ACVR1: variants seen among roughly 807,000 people sequenced by gnomAD.
ACVR1 encodes the protein activin receptor type-1.
Under a neutral mutation model 57.1 loss-of-function variants are expected in ACVR1, and 38 were observed. The ratio of observed to expected loss-of-function variants is 0.67; its 90% CI spans 0.51 to 0.87. The LOEUF is 0.87. Among genes scored for constraint, ACVR1 ranks in the 40% least tolerant of loss-of-function variants. The probability of loss-of-function intolerance (pLI) is 0.00; values close to 1 mark genes in which losing one functional copy is unlikely to be tolerated. For missense variants in ACVR1, 463 were observed against 638.2 expected (o/e 0.73, Z 2.96); for synonymous variants, 212 against 228.1 (o/e 0.93, Z 0.63).
chr2:157,870,861 G>A (rs1690094712), intron 1 of ACVR1, among the ~76,000 whole-genome samples: 1 of 152,200 alleles, frequency 6.6e-6, no homozygotes, highest in Non-Finnish European at 1.5e-5. Flanking sequence ...TACATAGAAT[G>A]TCTTTCGTCC....
intron 3 of ACVR1, among the ~76,000 whole-genome samples, chr2:157,795,055 C>G (rs890067545): frequency 1.3e-5 from 2 of 151,794 alleles, no homozygotes; most frequent in Non-Finnish European, 2.9e-5. Flanking sequence ...CTCTATGACT[C>G]TCTTATTTAT....
At chr2:157,836,876 AAC>A (rs1559085998) in intron 1 of ACVR1, among the ~76,000 whole-genome samples, 3 of 152,212 alleles carry the variant, frequency 2.0e-5, no homozygotes, top group African/African-American at 7.2e-5. Flanking sequence ...CTAGATAAAG[AAC>A]ACTCCATCTC....
chr2:157,857,106 G>A (rs976266741), intron 1 of ACVR1, among the ~76,000 whole-genome samples: 1 of 152,142 alleles, frequency 6.6e-6, no homozygotes, highest in Non-Finnish European at 1.5e-5. Flanking sequence ...GCTGAAGTGG[G>A]AGGATCACCT....
Position 157,774,174 on chromosome 2 carries a change from T to C in ACVR1, c.557A>G (p.His186Arg), listed in dbSNP as rs766710069. 6.2e-7 allele frequency: 1 copy of C among 1,613,980 alleles called. No individual in the cohort carries two copies. The highest frequency in any genetic ancestry group is 1.1e-5 in the South Asian group (1 of 91,080). Residue 186 changes from histidine (H) to arginine (R), a missense_variant, in exon 6 of 11, where the codon CAT becomes CGT. By Grantham distance (29) the His-to-Arg change is conservative. Transcript: ENST00000434821. ...AGAGCCACTTCCTGATGTACACGAA[T>C]GATCCAATAAATCCTGTGGTTTAAG... ...GDSTLADLLD[H>R]SCTSGSGSGL...
intron 1 of ACVR1, among the ~76,000 whole-genome samples, chr2:157,832,533 G>T (rs1688619744): frequency 6.6e-6 from 1 of 152,098 alleles, no homozygotes; most frequent in Non-Finnish European, 1.5e-5. Context: ...TTATCAAGAT[G>T]ACCTTGTCTA....
chr2:157,760,603 A>G (rs951834468), intron 9 of ACVR1, among the ~76,000 whole-genome samples: 1 of 152,216 alleles, frequency 6.6e-6, no homozygotes, highest in African/African-American at 2.4e-5. Context: ...TAAAAATTTA[A>G]AAGAAAAGAA....
chr2:157,861,831 C>T (rs1288439004), intron 1 of ACVR1, among the ~76,000 whole-genome samples: 2 of 152,196 alleles, frequency 1.3e-5, no homozygotes, highest in South Asian at 2.1e-4. Flanking sequence ...AATATACTTT[C>T]ACCACCCTTT....
intron 1 of ACVR1, among the ~76,000 whole-genome samples, chr2:157,848,638 T>C (rs1011888858): frequency 6.6e-6 from 1 of 152,222 alleles, no homozygotes; most frequent in Non-Finnish European, 1.5e-5. Context: ...TAATTTATTA[T>C]GCAGAAAGAG....
At position 157,865,255 on chromosome 2, in the gene ACVR1, T is replaced by C. The variant is rs1689874696; in HGVS notation, c.-183+10541A>G. On this transcript the variant is annotated intron_variant, in intron 1 of 10. Coordinates refer to ENST00000434821, the MANE Select transcript of ACVR1 (RefSeq NM_001111067.4). ...AGGAAAGCACCACAAAGACAAAGGT[T>C]AAGAAAATGACTTTCTTAGGCCACA... Among the ~76,000 whole-genome samples, 7 of 152,190 alleles carry C rather than the reference T, an allele frequency of 4.6e-5. No individual in the cohort carries two copies. The South Asian group carries it at 1.5e-3, about 32-fold the overall frequency.
At chr2:157,815,143 A>G (rs2105325337) in intron 2 of ACVR1, among the ~76,000 whole-genome samples, 3 of 152,324 alleles carry the variant, frequency 2.0e-5, no homozygotes, top group Middle Eastern at 6.8e-3. Context: ...ACTTCCAAGA[A>G]ATATTATTTC....
intron 3 of ACVR1, among the ~76,000 whole-genome samples, chr2:157,789,600 A>G (rs1686834302): frequency 6.6e-6 from 1 of 152,238 alleles, no homozygotes; most frequent in Admixed American, 6.5e-5. Context: ...CTGGCCACCA[A>G]GTCTGTCCAA....
intron 8 of ACVR1, among the ~76,000 whole-genome samples, chr2:157,764,085 C>A (rs543886586): frequency 2.2e-4 from 34 of 152,150 alleles, no homozygotes; most frequent in Non-Finnish European, 2.9e-4. Context: ...CAACTTGAAT[C>A]CTTATTGTTT....
rs1259517200 is a variant in ACVR1, at chr2:157,736,533, C to T, written c.*998G>A. The T allele has an allele frequency of 3.9e-6, 1 of 259,578 alleles. No individual in the cohort carries two copies. Among genetic ancestry groups the T allele is most frequent in the Non-Finnish European group, 7.2e-6 (1 of 139,188 alleles). The allele number at this position is 259,578 out of a possible 1,614,324, so 16.1% of individuals were successfully genotyped here. A position where few individuals can be genotyped will look rare whatever the true frequency, so the allele number is the denominator to read the frequency against. Reference sequence around the variant, plus strand: ...AAACAAAATAGTTATTTTTTTCTGGCAGAGTTTAAATGCACGTAATGGATA... The same window carrying T: ...AAACAAAATAGTTATTTTTTTCTGGTAGAGTTTAAATGCACGTAATGGATA... On this transcript the variant is annotated 3_prime_UTR_variant, in exon 11 of 11. Transcript: ENST00000434821.
intron 3 of ACVR1, among the ~76,000 whole-genome samples, chr2:157,783,431 C>T (rs903664530): frequency 6.6e-6 from 1 of 152,146 alleles, no homozygotes; most frequent in Non-Finnish European, 1.5e-5. Context: ...TTATACCTAA[C>T]TCTGTGGTGT....
chr2:157,852,223 T>C (rs1214677822), intron 1 of ACVR1, among the ~76,000 whole-genome samples: 1 of 151,506 alleles, frequency 6.6e-6, no homozygotes, highest in Non-Finnish European at 1.5e-5. Context: ...ATAGGCCAGG[T>C]GCAGTGGCTC....
chr2:157,780,678 G>A (rs138728742), intron 3 of ACVR1, 78 bp from the exon 4 acceptor site: 6 of 1,538,998 alleles, frequency 3.9e-6, no homozygotes, highest in Middle Eastern at 1.7e-4. Flanking sequence ...TTGAGGGAAT[G>A]ACCATTCCAA....
At chr2:157,770,227 A>T in intron 7 of ACVR1, 141 bp downstream of exon 7, 1 of 850,120 alleles carries the variant, frequency 1.2e-6, no homozygotes, top group East Asian at 2.5e-5. Context: ...GAGAAAATTA[A>T]ACAGCATATA....
chr2:157,798,256 A>G (rs1206544345), intron 3 of ACVR1, among the ~76,000 whole-genome samples: 1 of 152,110 alleles, frequency 6.6e-6, no homozygotes, highest in Non-Finnish European at 1.5e-5. Context: ...TATTCCAAAC[A>G]TATAACTAGT....
In ACVR1 at chr2:157,827,867, C is replaced by A. The variant is rs867403240; in HGVS notation, c.-182-9308G>T. Among the ~76,000 whole-genome samples, 27 of 152,220 alleles carry A rather than the reference C, an allele frequency of 1.8e-4. No individual in the cohort carries two copies. In the Middle Eastern group the frequency reaches 0.01, roughly 58 times the overall value. Reference sequence around the variant, plus strand: ...GAAGTCACTAACCCTTCTCACTCACCCTTCTCTGTTATCCTTTTATCCTAA... The same window carrying A: ...GAAGTCACTAACCCTTCTCACTCACACTTCTCTGTTATCCTTTTATCCTAA... On this transcript the variant is annotated intron_variant, in intron 1 of 10. Transcript: ENST00000434821.
Sources: gnomAD v4.1 joint callset for allele counts (sites outside exome capture counted in the v4.1 genomes callset) on GRCh38, gnomAD v4.1.1 for gene constraint, MANE v1.5 for transcripts, NCBI Gene and HGNC (gene_info 2026-07-23, HGNC 2026-07-21) for gene names.